ATG10: variants seen among roughly 807,000 people sequenced by gnomAD.
ATG10 encodes the protein autophagy related 10.
In ATG10, 30 loss-of-function variants were observed where a neutral mutation model predicts 32.1. The ratio of observed to expected loss-of-function variants is 0.94; its 90% CI spans 0.70 to 1.27. ATG10 has a LOEUF of 1.27. Ranked by LOEUF, ATG10 falls within the 50% of genes most tolerant of loss-of-function variation. The probability of loss-of-function intolerance (pLI) is 0.00; values close to 1 mark genes in which losing one functional copy is unlikely to be tolerated. For synonymous variants in ATG10, 87 were observed against 91.5 expected, an observed-to-expected ratio of 0.95 and a Z score of 0.28; for missense variants, 233 against 262.3, an observed-to-expected ratio of 0.89 and a Z score of 0.77.
chr5:82,026,884 C>A (rs1340745946), intron 2 of ATG10, among the ~76,000 whole-genome samples: 1 of 151,554 alleles, frequency 6.6e-6, no homozygotes, highest in East Asian at 1.9e-4. Flanking sequence ...GATGGTGAAA[C>A]CCTGTCCCTA....
intron 3 of ATG10, among the ~76,000 whole-genome samples, chr5:82,104,004 A>G (rs989009442): frequency 1.3e-5 from 2 of 151,972 alleles, no homozygotes; most frequent in Non-Finnish European, 2.9e-5. Flanking sequence ...AATTCATCAG[A>G]GTTGCATGTA....
chr5:82,129,582 C>G (rs1355119497), intron 3 of ATG10, among the ~76,000 whole-genome samples: 2 of 152,108 alleles, frequency 1.3e-5, no homozygotes, highest in Non-Finnish European at 2.9e-5. Flanking sequence ...TTGTTGCTTT[C>G]CTTCTAATAG....
chr5:82,212,032 GGACAT>G (rs1368411335), intron 5 of ATG10, among the ~76,000 whole-genome samples: 2 of 152,148 alleles, frequency 1.3e-5, no homozygotes, highest in African/African-American at 2.4e-5. Flanking sequence ...GAATCTCAAC[GGACAT>G]GCAAAACTGC....
At chr5:82,049,061 G>T (rs1245660242) in intron 2 of ATG10, among the ~76,000 whole-genome samples, 217 of 150,982 alleles carry the variant, frequency 1.4e-3, no homozygotes, top group African/African-American at 4.9e-3. Context: ...TATACCCAAA[G>T]GACTATAAAT....
At chr5:82,194,206 A>G (rs1297893199) in intron 5 of ATG10, among the ~76,000 whole-genome samples, 1 of 152,118 alleles carries the variant, frequency 6.6e-6, no homozygotes, top group Non-Finnish European at 1.5e-5. Flanking sequence ...AAAGGGACAC[A>G]TTTGGAAGAA....
intron 2 of ATG10, among the ~76,000 whole-genome samples, chr5:82,022,360 G>A (rs1413413233): frequency 4.3e-5 from 6 of 140,448 alleles, no homozygotes; most frequent in Non-Finnish European, 7.6e-5. Context: ...ACGGAGTCTC[G>A]CTCTGTCACC....
intron 3 of ATG10, among the ~76,000 whole-genome samples, chr5:82,087,343 G>A (rs974645319): frequency 1.3e-5 from 2 of 152,088 alleles, no homozygotes; most frequent in African/African-American, 4.8e-5. Context: ...ATATTGAAAA[G>A]TGCTATGTAA....
At chr5:82,150,046 A>ATAAT (rs5869107) in intron 3 of ATG10, among the ~76,000 whole-genome samples, 150,093 of 152,170 alleles carry the variant, frequency 0.99, 74,046 homozygotes, top group Middle Eastern at 1. Context: ...AGGAACTGAA[A>ATAAT]TAATTATGTT....
intron 3 of ATG10, among the ~76,000 whole-genome samples, chr5:82,133,256 T>A (rs190736893): frequency 9.2e-5 from 14 of 152,238 alleles, no homozygotes; most frequent in African/African-American, 2.2e-4. Context: ...TCCCATTTTT[T>A]AATTTTGGCT....
chr5:82,208,816 A>G (rs1321413293), intron 5 of ATG10, among the ~76,000 whole-genome samples: 1 of 152,238 alleles, frequency 6.6e-6, no homozygotes, highest in African/African-American at 2.4e-5. Flanking sequence ...TGATTTTCAA[A>G]TGTTAAATCA....
At chr5:82,172,924 C>G (rs1222603974) in intron 4 of ATG10, among the ~76,000 whole-genome samples, 1 of 152,176 alleles carries the variant, frequency 6.6e-6, no homozygotes, top group African/African-American at 2.4e-5. Flanking sequence ...ATAATTTTCT[C>G]ACTGAAGCAA....
At chr5:82,058,438 G>T in intron 2 of ATG10, 57 bp from the exon 3 acceptor site, 1 of 1,276,704 alleles carries the variant, frequency 7.8e-7, no homozygotes, top group South Asian at 1.2e-5. Context: ...TTCTTAAAAT[G>T]ATGAATTCTT....
chr5:82,113,006 T>G (rs1765666080), intron 3 of ATG10, among the ~76,000 whole-genome samples: 1 of 151,960 alleles, frequency 6.6e-6, no homozygotes, highest in African/African-American at 2.4e-5. Flanking sequence ...TTTTGAATGA[T>G]TTCCATTTGA....
chr5:82,234,965 G>A (rs1746499308), intron 5 of ATG10, among the ~76,000 whole-genome samples: 1 of 152,186 alleles, frequency 6.6e-6, no homozygotes, highest in African/African-American at 2.4e-5. Context: ...CCCATAGTAT[G>A]TTTGTGCTGT....
At chr5:82,043,729 G>T (rs1174336483) in intron 2 of ATG10, among the ~76,000 whole-genome samples, 29 of 152,126 alleles carry the variant, frequency 1.9e-4, no homozygotes, top group Non-Finnish European at 1.5e-5. Flanking sequence ...CTAGGGCACG[G>T]GCAAAATGCT....
At chr5:82,139,839 T>TG (rs1165683112) in intron 3 of ATG10, among the ~76,000 whole-genome samples, 7 of 116,028 alleles carry the variant, frequency 6.0e-5, no homozygotes, top group African/African-American at 1.0e-4. Context: ...GGGAGGGAGA[T>TG]GGGGGGGTCA....
rs745369347 is a variant in ATG10, at chr5:82,138,876, CCCCTCT to C, written c.217-25509_217-25504del. On this transcript the variant is annotated intron_variant, in intron 3 of 7. Transcript: ENST00000282185. ...CCCCCTCCCCCTCCCCCTCCCCCTCCCCCTCTCCCTCTCCCTCTCATGCGGAGCCGA... is the reference window on the plus strand; with the variant it reads ...CCCCCTCCCCCTCCCCCTCCCCCTCCCCCTCTCCCTCTCATGCGGAGCCGA... 7.2e-3 allele frequency among the ~76,000 whole-genome samples: 512 copies of C among 71,532 alleles called. 33 individuals are homozygous for C. The highest frequency in any genetic ancestry group is 0.022 in the African/African-American group (378 of 17,172). 46.9% of individuals were successfully genotyped at this position (71,532 alleles called of 152,430 possible). A position where few individuals can be genotyped will look rare whatever the true frequency, so the allele number is the denominator to read the frequency against.
In ATG10 at chr5:82,087,208, G is replaced by T. The variant is rs529663523; in HGVS notation, c.216+28606G>T. ...ATGACATAAATTTTCAAGGAAAGGAGAAATAAACATGGTTTGAAATAATTT... is the reference window on the plus strand; with the variant it reads ...ATGACATAAATTTTCAAGGAAAGGATAAATAAACATGGTTTGAAATAATTT... On this transcript the variant is annotated intron_variant, in intron 3 of 7. Transcript: ENST00000282185. Among the ~76,000 whole-genome samples the T allele has an allele frequency of 4.8e-4, 73 of 152,244 alleles. 1 individual carries two copies. The South Asian group carries it at 0.013, about 26-fold the overall frequency.
intron 3 of ATG10, among the ~76,000 whole-genome samples, chr5:82,136,556 T>C (rs555215555): frequency 1.3e-5 from 2 of 152,312 alleles, no homozygotes; most frequent in South Asian, 2.1e-4. Context: ...TATTGGTCCC[T>C]ACTCTCTTCT....
Sources: allele counts gnomAD v4.1 joint callset (sites outside exome capture counted in the v4.1 genomes callset), GRCh38; gene constraint gnomAD v4.1.1; transcripts MANE v1.5; gene names NCBI Gene and HGNC (gene_info 2026-07-23, HGNC 2026-07-21).